The following ARID4A variants were observed in gnomAD, a reference collection of about 807,000 sequenced individuals.
ARID4A encodes the protein AT-rich interaction domain 4A.
ARID4A carries 39 observed loss-of-function variants against 148.6 expected under a neutral mutation model. That is an observed-to-expected ratio of 0.26 (90% CI 0.20 to 0.34). ARID4A has a LOEUF of 0.34. Among genes scored for constraint, ARID4A ranks in the 10% least tolerant of loss-of-function variants. The pLI is 1.00. For missense variants in ARID4A, 1,265 were observed against 1,449.1 expected (o/e 0.87, Z 2.06); for synonymous variants, 475 against 481.2 (o/e 0.99, Z 0.17).
intron 17 of ARID4A, among the ~76,000 whole-genome samples, chr14:58,356,085 A>AAGGG (rs1349567749): frequency 6.6e-6 from 1 of 152,212 alleles, no homozygotes; most frequent in Non-Finnish European, 1.5e-5. Flanking sequence ...AGACTCCTGA[A>AAGGG]AGGGAGTATC....
intron 17 of ARID4A, among the ~76,000 whole-genome samples, chr14:58,355,426 A>C (rs1022195770): frequency 2.6e-5 from 4 of 152,208 alleles, no homozygotes; most frequent in Non-Finnish European, 5.9e-5. Context: ...AATAAAGTTT[A>C]ATGTATAAAT....
intron 5 of ARID4A, among the ~76,000 whole-genome samples, chr14:58,306,605 T>C (rs915741839): frequency 6.6e-6 from 1 of 152,194 alleles, no homozygotes; most frequent in Non-Finnish European, 1.5e-5. Context: ...AGGTCGGGCA[T>C]GTTGGCTCAT....
Position 58,366,926 on chromosome 14 carries a change from C to A in ARID4A, c.3567C>A (p.Leu1189=), listed in dbSNP as rs1280967802. ...NMNSTERISF[L]QEKLQEIRKY... is the part of the protein sequence containing the mutation. ...ACAGTACAGAGAGAATCTCATTTCT[C>A]CAAGAAAAACTACAGGAAATCAGAA... The change falls in exon 23 of 24, where the codon CTC becomes CTA. Residue 1189 remains leucine, a synonymous_variant. Transcript: ENST00000355431. The A allele has an allele frequency of 1.3e-6, 2 of 1,517,502 alleles. No individual in the cohort carries two copies. The highest frequency in any genetic ancestry group is 5.2e-5 in the East Asian group (2 of 38,832). 94.0% of individuals were successfully genotyped at this position (1,517,502 alleles called of 1,614,324 possible). A position where few individuals can be genotyped will look rare whatever the true frequency, so the allele number is the denominator to read the frequency against.
chr14:58,359,201 G>T lies in ARID4A; in HGVS notation c.1923G>T (p.Gln641His), dbSNP rs768554435. Residue 641 changes from glutamine (Q) to histidine (H), a missense_variant, in exon 18 of 24, where the codon CAG becomes CAT. Transcript: ENST00000355431. ...ACAAAGGTGGACCAAAGAAAAAACA[G>T]AAGAAAAAAGCTAAAGTATGTTTGT... is the stretch of plus-strand genomic sequence containing the variant. ...PLDKGGPKKK[Q>H]KKKAKNKEDS... 7 of 1,589,236 alleles carry T rather than the reference G, an allele frequency of 4.4e-6. No individual in the cohort carries two copies. Among genetic ancestry groups the T allele is most frequent in the Non-Finnish European group, 6.0e-6 (7 of 1,172,428 alleles).
chr14:58,356,420 CT>C (rs1378811514), intron 17 of ARID4A, among the ~76,000 whole-genome samples: 1 of 152,170 alleles, frequency 6.6e-6, no homozygotes, highest in Non-Finnish European at 1.5e-5. Flanking sequence ...TCTCTACATA[CT>C]TCCTGATACA....
intron 23 of ARID4A, 117 bp from the exon 24 acceptor site, chr14:58,371,769 T>C: frequency 1.3e-6 from 1 of 798,464 alleles, no homozygotes; most frequent in Non-Finnish European, 2.1e-6. Flanking sequence ...TCATGTGACA[T>C]ATAAGAGGCC....
In ARID4A at chr14:58,364,399, G is replaced by A; in HGVS notation, c.2310G>A (p.Gln770=). Residue 770 remains glutamine, a synonymous_variant, in exon 20 of 24, where the codon CAG becomes CAA. Transcript: ENST00000355431. ...LEVGENEQIV[Q]IFGNKMEKTE... is the part of the protein sequence containing the mutation. Reference sequence around the variant, plus strand: ...TTGGAGAGAATGAACAAATAGTACAGATTTTTGGGAACAAAATGGAAAAAA... The same window carrying A: ...TTGGAGAGAATGAACAAATAGTACAAATTTTTGGGAACAAAATGGAAAAAA... 1.2e-6 allele frequency: 2 copies of A among 1,611,398 alleles called. No individual in the cohort carries two copies. The highest frequency in any genetic ancestry group is 1.7e-6 in the Non-Finnish European group (2 of 1,179,522).
At chr14:58,306,434 C>T (rs1173800693) in intron 5 of ARID4A, among the ~76,000 whole-genome samples, 1 of 152,126 alleles carries the variant, frequency 6.6e-6, no homozygotes, top group Non-Finnish European at 1.5e-5. Context: ...TAGTTGCGAT[C>T]GTTACTGTAT....
intron 13 of ARID4A, 96 bp downstream of exon 13, chr14:58,346,601 C>A: frequency 1.3e-6 from 1 of 769,690 alleles, no homozygotes; most frequent in Middle Eastern, 2.8e-4. Context: ...ATAATAAATA[C>A]ATTTTCTTAA....
chr14:58,366,761 G>A (rs1454542021), intron 22 of ARID4A, 122 bp from the exon 23 acceptor site: 2 of 703,388 alleles, frequency 2.8e-6, no homozygotes, highest in African/African-American at 1.9e-5. Context: ...TCAGCTTACT[G>A]TAGGAGATTT....
chr14:58,367,041 A>T lies in ARID4A; in HGVS notation c.3670+12A>T. 2 of 1,469,346 alleles carry T rather than the reference A, an allele frequency of 1.4e-6. No homozygotes were observed. The highest frequency in any genetic ancestry group is 1.8e-6 in the Non-Finnish European group (2 of 1,113,770). The allele number at this position is 1,469,346 out of a possible 1,614,324, so 91.0% of individuals were successfully genotyped here. On this transcript the variant is annotated intron_variant, in intron 23 of 23. Coordinates refer to ENST00000355431, the MANE Select transcript of ARID4A (RefSeq NM_002892.4). ...GAAAGACAGGGAAGGTAATTTTATT[A>T]TGATTTTTCTCCCCTTATATTTCAA...
chr14:58,320,476 G>A (rs1023392442), intron 7 of ARID4A, among the ~76,000 whole-genome samples: 4 of 151,752 alleles, frequency 2.6e-5, no homozygotes, highest in African/African-American at 4.8e-5. Context: ...CCTTTATAGC[G>A]TCCCCCAGTT....
chr14:58,329,689 G>A lies in ARID4A; in HGVS notation c.739+85G>A, dbSNP rs1343191717. On this transcript the variant is annotated intron_variant, in intron 10 of 23. Coordinates refer to ENST00000355431, the MANE Select transcript of ARID4A (RefSeq NM_002892.4). ...AATAAAGCAAGACTGATACTCTCTG[G>A]TACCACCATTTTAACTGTTTAGAGT... The A allele has an allele frequency of 5.0e-6, 6 of 1,195,222 alleles. No homozygotes were observed. The Admixed American group carries it at 9.1e-5, about 18-fold the overall frequency. 74.0% of individuals were successfully genotyped at this position (1,195,222 alleles called of 1,614,324 possible).
intron 17 of ARID4A, among the ~76,000 whole-genome samples, chr14:58,357,468 A>G (rs2034930040): frequency 6.6e-6 from 1 of 152,196 alleles, no homozygotes; most frequent in Admixed American, 6.5e-5. Context: ...CAGATACATG[A>G]GTTTCTATTA....
intron 8 of ARID4A, among the ~76,000 whole-genome samples, chr14:58,328,034 G>A (rs1310615125): frequency 2.0e-5 from 3 of 151,966 alleles, no homozygotes; most frequent in Non-Finnish European, 4.4e-5. Flanking sequence ...AAATTTCTAG[G>A]CAACCAATGT....
At position 58,372,028 on chromosome 14, in the gene ARID4A, G is replaced by T. The variant is rs750423703; in HGVS notation, c.*39G>T. 2.0e-5 allele frequency: 29 copies of T among 1,426,608 alleles called. No homozygotes were observed. Among genetic ancestry groups the T allele is most frequent in the Non-Finnish European group, 2.6e-5 (26 of 1,015,018 alleles). 88.4% of individuals were successfully genotyped at this position (1,426,608 alleles called of 1,614,324 possible). A position where few individuals can be genotyped will look rare whatever the true frequency, so the allele number is the denominator to read the frequency against. On this transcript the variant is annotated 3_prime_UTR_variant, in exon 24 of 24. Coordinates refer to ENST00000355431, the MANE Select transcript of ARID4A (RefSeq NM_002892.4). ...TACCTTCCCAGCAGTTTGCTGCCAT[G>T]GACATAAATCCCCAAACCCTGAATT...
At chr14:58,314,362 GCTT>G (rs1204188446) in intron 5 of ARID4A, among the ~76,000 whole-genome samples, 1 of 152,158 alleles carries the variant, frequency 6.6e-6, no homozygotes, top group Non-Finnish European at 1.5e-5. Context: ...TTTAGATGGA[GCTT>G]CTTCATGGTT....
intron 17 of ARID4A, among the ~76,000 whole-genome samples, chr14:58,356,794 T>G (rs546482860): frequency 3.1e-4 from 47 of 151,602 alleles, no homozygotes; most frequent in African/African-American, 1.1e-3. Flanking sequence ...CTCCGCCTCC[T>G]GGGTTCAAGC....
At chr14:58,340,552 G>A (rs2034066190) in intron 11 of ARID4A, among the ~76,000 whole-genome samples, 1 of 152,254 alleles carries the variant, frequency 6.6e-6, no homozygotes, top group East Asian at 1.9e-4. Context: ...GTTTTACCGT[G>A]TTGCCCAGGC....
Sources: gnomAD v4.1 joint callset for allele counts (sites outside exome capture counted in the v4.1 genomes callset) on GRCh38, gnomAD v4.1.1 for gene constraint, MANE v1.5 for transcripts, NCBI Gene and HGNC (gene_info 2026-07-23, HGNC 2026-07-21) for gene names.